DLGAP4: variants seen among roughly 807,000 people sequenced by gnomAD.
The protein encoded by DLGAP4 is DLG associated protein 4, also known as disks large-associated protein 4.
Under a neutral mutation model 86.9 loss-of-function variants are expected in DLGAP4, and 18 were observed. The observed-to-expected ratio is 0.21, with a 90% CI of 0.14 to 0.31. The LOEUF (loss-of-function observed/expected upper bound fraction) is 0.31, where lower values mean the gene tolerates loss of function less well. Among genes scored for constraint, DLGAP4 ranks in the 10% least tolerant of loss-of-function variants. The pLI is 1.00. For missense variants in DLGAP4, 1,085 were observed against 1,362.6 expected (o/e 0.80, Z 3.21); for synonymous variants, 548 against 574.3 (o/e 0.95, Z 0.65).
intron 3 of DLGAP4, 82 bp from the exon 4 acceptor site, chr20:36,436,027 G>T: frequency 6.9e-7 from 1 of 1,450,398 alleles, no homozygotes; most frequent in Admixed American, 2.6e-5. Context: ...GAACGAGGGA[G>T]CTTCAGGTCC....
chr20:36,519,464 ATTTTCT>A (rs1181694357), intron 10 of DLGAP4, among the ~76,000 whole-genome samples: 1 of 152,006 alleles, frequency 6.6e-6, no homozygotes, highest in Non-Finnish European at 1.5e-5. Flanking sequence ...GTACACACAG[ATTTTCT>A]TTTTAGTCAG....
chr20:36,357,879 G>A (rs780882397), intron 1 of DLGAP4, among the ~76,000 whole-genome samples: 2 of 152,208 alleles, frequency 1.3e-5, no homozygotes, highest in Non-Finnish European at 1.5e-5. Flanking sequence ...TGCGGATCCC[G>A]TCGGAAAGTT....
rs1487393683 is a variant in DLGAP4, at chr20:36,327,838, G to A, written c.-304+21326G>A. Among the ~76,000 whole-genome samples the A allele has an allele frequency of 2.4e-4, 36 of 147,610 alleles. No individual in the cohort carries two copies. In the East Asian group the frequency reaches 6.1e-3, roughly 25 times the overall value. On this transcript the variant is annotated intron_variant, in intron 1 of 12. Transcript: ENST00000339266. ...GATCTCCTGACCTCGTGATCCGCCC[G>A]CCTCGGCCTCCCAAAGTGCTGGGAT...
chr20:36,345,243 GC>G (rs1453297934), intron 1 of DLGAP4, among the ~76,000 whole-genome samples: 2 of 152,182 alleles, frequency 1.3e-5, no homozygotes, highest in East Asian at 3.8e-4. Context: ...TCAGAGAGGT[GC>G]CCCCTGCAAT....
At chr20:36,378,797 C>CAG (rs1230305082) in intron 2 of DLGAP4, among the ~76,000 whole-genome samples, 1 of 151,970 alleles carries the variant, frequency 6.6e-6, no homozygotes, top group Non-Finnish European at 1.5e-5. Context: ...GTGTCAGCCA[C>CAG]AGTAGGAGGG....
In DLGAP4 at chr20:36,500,732, G is replaced by C. The variant is rs2036110160; in HGVS notation, c.2512+121G>C. ...TCTCTTAGGTTCTCTTCTTGGGCTA[G>C]TTTTTGAGCTCCCTTCTTACTTTCT... On this transcript the variant is annotated intron_variant, in intron 10 of 12. Coordinates refer to ENST00000339266, the MANE Select transcript of DLGAP4 (RefSeq NM_001365621.2). This position sits in a 1 kb window ranked among gnomAD's most constrained non-coding sequence, Gnocchi z 4.6. The C allele has an allele frequency of 1.1e-6, 1 of 913,220 alleles. No individual in the cohort carries two copies. Among genetic ancestry groups the C allele is most frequent in the African/African-American group, 1.7e-5 (1 of 58,072 alleles). The allele number at this position is 913,220 out of a possible 1,614,324, so 56.6% of individuals were successfully genotyped here.
chr20:36,315,046 T>TGTG (rs2065085012), intron 1 of DLGAP4, among the ~76,000 whole-genome samples: 1 of 4,380 alleles, frequency 2.3e-4, no homozygotes, highest in Non-Finnish European at 5.1e-4. Flanking sequence ...GTGTGGTGTG[T>TGTG]TGCGCCCCCC....
At chr20:36,518,514 C>T (rs6024819) in intron 10 of DLGAP4, among the ~76,000 whole-genome samples, 1,838 of 151,976 alleles carry the variant, frequency 0.012, 47 homozygotes, top group African/African-American at 0.042. Flanking sequence ...GCTTTGAAGC[C>T]GATGCATTTC....
chr20:36,489,060 C>T (rs1247857478), intron 7 of DLGAP4, among the ~76,000 whole-genome samples: 1 of 152,136 alleles, frequency 6.6e-6, no homozygotes, highest in Non-Finnish European at 1.5e-5. Context: ...AGTGAAGTCA[C>T]CAACAGAAAG....
chr20:36,348,518 A>T (rs567942919), intron 1 of DLGAP4, among the ~76,000 whole-genome samples: 18 of 151,994 alleles, frequency 1.2e-4, no homozygotes, highest in African/African-American at 1.7e-4. Context: ...TCCCAGGTTC[A>T]AGCAATTCTC....
At position 36,308,601 on chromosome 20, in the gene DLGAP4, G is replaced by A. The variant is rs868993598; in HGVS notation, c.-304+2089G>A. On this transcript the variant is annotated intron_variant, in intron 1 of 12. Transcript: ENST00000339266. This position sits in a 1 kb window ranked among gnomAD's most constrained non-coding sequence, Gnocchi z 4.5. ...AGCTTTCGGGAGACGCTGACGTATC[G>A]GATGTATCGGGGCACCCACTGACAT... Among the ~76,000 whole-genome samples, 2 of 152,276 alleles carry A rather than the reference G, an allele frequency of 1.3e-5. No homozygotes were observed. Among genetic ancestry groups the A allele is most frequent in the Admixed American group, 6.5e-5 (1 of 15,300 alleles).
chr20:36,317,271 CT>C (rs1600393190), intron 1 of DLGAP4, among the ~76,000 whole-genome samples: 1 of 18,000 alleles, frequency 5.6e-5, no homozygotes, highest in South Asian at 2.2e-3. Context: ...TTCTTTCTTT[CT>C]TTCTTATCTT....
At chr20:36,450,448 A>G (rs1417129433) in intron 7 of DLGAP4, among the ~76,000 whole-genome samples, 3 of 152,212 alleles carry the variant, frequency 2.0e-5, no homozygotes, top group African/African-American at 7.2e-5. Context: ...CAGTGAGCCA[A>G]CATCACACTA....
chr20:36,432,516 C>G lies in DLGAP4; in HGVS notation c.799C>G (p.Pro267Ala). ...TKNNTTELTA[P>A]PPPPAPPATC... Reference sequence around the variant, plus strand: ...GAACAACACTACTGAGCTGACTGCCCCACCACCCCCGCCCGCACCCCCAGC... The same window carrying G: ...GAACAACACTACTGAGCTGACTGCCGCACCACCCCCGCCCGCACCCCCAGC... Residue 267 changes from proline to alanine, a missense_variant, in exon 3 of 13, where the codon CCA (proline) becomes GCA (alanine). Pro to Ala is a conservative substitution (Grantham distance 27, BLOSUM62 -1). Transcript: ENST00000339266. The surrounding 1 kb of genome is among the most constrained non-coding windows in gnomAD (Gnocchi z 6.5). The G allele has an allele frequency of 6.2e-7, 1 of 1,612,554 alleles. No homozygotes were observed. Among genetic ancestry groups the G allele is most frequent in the South Asian group, 1.1e-5 (1 of 90,992 alleles).
At chr20:36,416,278 T>C (rs1402756029) in intron 2 of DLGAP4, among the ~76,000 whole-genome samples, 2 of 152,162 alleles carry the variant, frequency 1.3e-5, no homozygotes, top group African/African-American at 4.8e-5. Context: ...TATGCCACTG[T>C]ACCTGACTAA....
At chr20:36,319,111 C>G (rs2065140812) in intron 1 of DLGAP4, among the ~76,000 whole-genome samples, 1 of 151,420 alleles carries the variant, frequency 6.6e-6, no homozygotes, top group African/African-American at 2.4e-5. Flanking sequence ...CCACTGCACT[C>G]CAGCCTGGCA....
At position 36,526,756 on chromosome 20, in the gene DLGAP4, A is replaced by G. The variant is rs539005340; in HGVS notation, c.2761-57A>G. ...GCCGGCATATGGTGGGGGTAGTGCCACACAAAACGTGGCACCTTTATTTTA... is the reference window on the plus strand; with the variant it reads ...GCCGGCATATGGTGGGGGTAGTGCCGCACAAAACGTGGCACCTTTATTTTA... On this transcript the variant is annotated intron_variant, in intron 12 of 12. Coordinates refer to ENST00000339266, the MANE Select transcript of DLGAP4 (RefSeq NM_001365621.2). 52 of 1,485,228 alleles carry G rather than the reference A, an allele frequency of 3.5e-5. No individual in the cohort carries two copies. The Middle Eastern group carries it at 1.2e-3, about 35-fold the overall frequency. 92.0% of individuals were successfully genotyped at this position (1,485,228 alleles called of 1,614,324 possible).
rs557286248 is a variant in DLGAP4, at chr20:36,462,837, G to C, written c.1648+15900G>C. Among the ~76,000 whole-genome samples the C allele has an allele frequency of 2.4e-4, 37 of 152,356 alleles. No homozygotes were observed. In the South Asian group the frequency reaches 7.2e-3, roughly 30 times the overall value. ...GAGTGTGTGGAGGGCACCACGGGCT[G>C]GGCATCCCTGCCCACTTGGCCCCGC... On this transcript the variant is annotated intron_variant, in intron 7 of 12. Coordinates refer to ENST00000339266, the MANE Select transcript of DLGAP4 (RefSeq NM_001365621.2).
chr20:36,376,832 A>G (rs2031174150), intron 2 of DLGAP4, among the ~76,000 whole-genome samples: 1 of 152,122 alleles, frequency 6.6e-6, no homozygotes, highest in Non-Finnish European at 1.5e-5. Context: ...TGTAAAGCAG[A>G]GGTGATGATA....
Sources: allele counts gnomAD v4.1 joint callset (sites outside exome capture counted in the v4.1 genomes callset), GRCh38; gene constraint gnomAD v4.1.1; non-coding constraint Gnocchi (gnomAD v3.1); transcripts MANE v1.5; gene names NCBI Gene and HGNC (gene_info 2026-07-23, HGNC 2026-07-21).